ZSCAN25: variants seen among roughly 807,000 people sequenced by gnomAD.
The protein encoded by ZSCAN25 is zinc finger and SCAN domain containing 25.
A neutral mutation model predicts 38.7 loss-of-function variants in ZSCAN25; 27 were observed. The ratio of observed to expected loss-of-function variants is 0.70; its 90% CI spans 0.51 to 0.96. ZSCAN25 has a LOEUF of 0.96. Among genes scored for constraint, ZSCAN25 ranks in the 40% least tolerant of loss-of-function variants. The pLI is 0.00. For synonymous variants in ZSCAN25, 273 were observed against 277.7 expected, an observed-to-expected ratio of 0.98 and a Z score of 0.17; for missense variants, 637 against 705.9, an observed-to-expected ratio of 0.90 and a Z score of 1.11.
chr7:99,734,141 G>A, the ZSCAN25 span, among the ~76,000 whole-genome samples: 1 of 152,350 alleles, frequency 6.6e-6, no homozygotes, highest in African/African-American at 2.4e-5. Flanking sequence ...CCAGTAGATG[G>A]AAACTATGTT....
the ZSCAN25 span, among the ~76,000 whole-genome samples, chr7:99,662,476 T>A: frequency 6.6e-6 from 1 of 152,214 alleles, no homozygotes; most frequent in Non-Finnish European, 1.5e-5. The surrounding 1 kb of genome is among the most constrained non-coding windows in gnomAD (Gnocchi z 4.3). Flanking sequence ...TGCTTCCTGA[T>A]CGGTATGTTT....
At chr7:99,646,325 T>A in the ZSCAN25 span, among the ~76,000 whole-genome samples, 1 of 152,206 alleles carries the variant, frequency 6.6e-6, no homozygotes, top group African/African-American at 2.4e-5. Context: ...TAGAGATCTT[T>A]CACTTCTTTG....
chr7:99,725,095 C>T, the ZSCAN25 span, among the ~76,000 whole-genome samples: 4 of 152,148 alleles, frequency 2.6e-5, no homozygotes, highest in South Asian at 8.3e-4. Flanking sequence ...CCTGCCTAGT[C>T]AAGGGGTTCA....
the ZSCAN25 span, among the ~76,000 whole-genome samples, chr7:99,644,911 T>A: frequency 2.6e-5 from 4 of 152,114 alleles, no homozygotes; most frequent in African/African-American, 9.7e-5. Flanking sequence ...ACACTCCTGA[T>A]GCAAGTGCCT....
chr7:99,683,037 TATCATTTGGAA>T, the ZSCAN25 span, among the ~76,000 whole-genome samples: 8 of 152,252 alleles, frequency 5.3e-5, no homozygotes, highest in African/African-American at 1.4e-4. Context: ...TGTTTCCATA[TATCATTTGGAA>T]ATCATTTGGA....
chr7:99,717,670 A>G, the ZSCAN25 span: 21 of 1,611,560 alleles, frequency 1.3e-5, no homozygotes, highest in Non-Finnish European at 1.7e-5. Context: ...ATTTTGTCCT[A>G]CATCAGTTGT....
At chr7:99,727,900 G>A in the ZSCAN25 span, among the ~76,000 whole-genome samples, 1 of 152,158 alleles carries the variant, frequency 6.6e-6, no homozygotes, top group Non-Finnish European at 1.5e-5. Context: ...CATCATTAAT[G>A]CCTCTTTAAT....
chr7:99,627,767 T>A (rs1807613275), intron 7 of ZSCAN25, among the ~76,000 whole-genome samples: 1 of 151,868 alleles, frequency 6.6e-6, no homozygotes, highest in Non-Finnish European at 1.5e-5. Context: ...GCTGTATACG[T>A]ATATCTCGTA....
the ZSCAN25 span, chr7:99,671,543 A>G: frequency 2.8e-6 from 1 of 352,028 alleles, no homozygotes; most frequent in African/African-American, 2.1e-5. Context: ...TAGTCCACAG[A>G]AAATGAACCT....
chr7:99,726,693 C>T, the ZSCAN25 span, among the ~76,000 whole-genome samples: 1 of 152,162 alleles, frequency 6.6e-6, no homozygotes, highest in East Asian at 1.9e-4. Context: ...ACTTTCTTCC[C>T]ATCCCTCTGC....
the ZSCAN25 span, chr7:99,709,057 G>C: frequency 1.2e-6 from 2 of 1,613,842 alleles, no homozygotes; most frequent in Admixed American, 3.3e-5. Flanking sequence ...AACTTCTCAG[G>C]CTCTGTCCAG....
the ZSCAN25 span, among the ~76,000 whole-genome samples, chr7:99,678,152 T>C: frequency 0.01 from 1,582 of 152,340 alleles, 12 homozygotes; most frequent in Non-Finnish European, 0.015. Flanking sequence ...ATTGTCTGCC[T>C]GGCTGCCCGA....
the ZSCAN25 span, chr7:99,710,727 C>T: frequency 6.2e-7 from 1 of 1,613,806 alleles, no homozygotes; most frequent in Non-Finnish European, 8.5e-7. Context: ...GTACTGTCCA[C>T]TCACCTTATT....
intron 1 of ZSCAN25, among the ~76,000 whole-genome samples, chr7:99,617,392 G>T (rs1806561608): frequency 6.6e-6 from 1 of 152,244 alleles, no homozygotes; most frequent in Admixed American, 6.5e-5. Flanking sequence ...GAGCCAGCCT[G>T]GTCAACATAG....
chr7:99,620,586 C>G (rs1806869362), intron 4 of ZSCAN25: 1 of 152,534 alleles, frequency 6.6e-6, no homozygotes, highest in South Asian at 2.1e-4. Context: ...CACAAGCCCC[C>G]GTCCTTCTGT....
the ZSCAN25 span, chr7:99,675,978 A>T: frequency 1.3e-4 from 89 of 697,630 alleles, no homozygotes; most frequent in South Asian, 1.5e-3. Context: ...TACAGGCATG[A>T]TCCACTGCAC....
At chr7:99,668,910 C>T in the ZSCAN25 span, among the ~76,000 whole-genome samples, 1 of 152,098 alleles carries the variant, frequency 6.6e-6, no homozygotes, top group African/African-American at 2.4e-5. Context: ...CAAGTAAAAC[C>T]CAGCAATTAT....
chr7:99,672,790 T>C, the ZSCAN25 span: 1 of 1,556,252 alleles, frequency 6.4e-7, no homozygotes, highest in East Asian at 2.3e-5. Context: ...ATACCCCTAG[T>C]TGTACGACAC....
At chr7:99,690,032 C>T in the ZSCAN25 span, among the ~76,000 whole-genome samples, 2 of 152,350 alleles carry the variant, frequency 1.3e-5, no homozygotes, top group Non-Finnish European at 2.9e-5. Flanking sequence ...AGGCATCACG[C>T]TACCTGACTT....
Sources: allele counts gnomAD v4.1 joint callset (sites outside exome capture counted in the v4.1 genomes callset), GRCh38; gene constraint gnomAD v4.1.1; non-coding constraint Gnocchi (gnomAD v3.1); transcripts MANE v1.5; gene names NCBI Gene and HGNC (gene_info 2026-07-23, HGNC 2026-07-21).